SYCP1: variants seen among roughly 807,000 people sequenced by gnomAD.
The protein encoded by SYCP1 is cancer/testis antigen 8.
In SYCP1, 64 loss-of-function variants were observed where a neutral mutation model predicts 153.1. That is an observed-to-expected ratio of 0.42 (90% CI 0.34 to 0.51). The LOEUF is 0.51. Among genes scored for constraint, SYCP1 ranks in the 20% least tolerant of loss-of-function variants. The pLI, the probability that SYCP1 is intolerant of heterozygous loss-of-function variation, is 0.06. For synonymous variants in SYCP1, 384 were observed against 341.8 expected (o/e 1.12, Z -1.36); for missense variants, 997 against 1,049.0 (o/e 0.95, Z 0.68).
intron 29 of SYCP1, among the ~76,000 whole-genome samples, chr1:114,981,992 G>C (rs1246240007): frequency 2.6e-5 from 4 of 151,976 alleles, no homozygotes; most frequent in Non-Finnish European, 5.9e-5. Context: ...AGTCATCTTG[G>C]AGCAGATGCC....
intron 20 of SYCP1, among the ~76,000 whole-genome samples, chr1:114,922,005 C>T (rs1668922719): frequency 6.6e-6 from 1 of 152,098 alleles, no homozygotes; most frequent in African/African-American, 2.4e-5. Context: ...AGTCTGCTGC[C>T]AGACATACTA....
chr1:114,928,494 C>T (rs1305482101), intron 23 of SYCP1, among the ~76,000 whole-genome samples: 1 of 152,078 alleles, frequency 6.6e-6, no homozygotes, highest in Non-Finnish European at 1.5e-5. Flanking sequence ...CTAAGCAATA[C>T]TTAAGGAATT....
At chr1:114,957,138 C>T (rs1162590118) in intron 27 of SYCP1, among the ~76,000 whole-genome samples, 2 of 152,034 alleles carry the variant, frequency 1.3e-5, no homozygotes, top group East Asian at 3.9e-4. Context: ...AATCATAGCT[C>T]ACTGGAATCT....
chr1:114,910,064 G>T (rs1032670032), intron 16 of SYCP1: 1 of 160,326 alleles, frequency 6.2e-6, no homozygotes, highest in Non-Finnish European at 1.4e-5. Context: ...TTATTGTGAG[G>T]CCTTTTATAA....
At chr1:114,899,202 A>G (rs1557782168) in intron 16 of SYCP1, among the ~76,000 whole-genome samples, 1 of 152,226 alleles carries the variant, frequency 6.6e-6, no homozygotes, top group Non-Finnish European at 1.5e-5. Flanking sequence ...ACACACAGAT[A>G]GTTTCCAAAT....
intron 23 of SYCP1, among the ~76,000 whole-genome samples, chr1:114,937,514 G>A (rs1157127129): frequency 3.9e-5 from 6 of 152,114 alleles, no homozygotes; most frequent in Non-Finnish European, 5.9e-5. Flanking sequence ...AACACCAAAA[G>A]CAATGGCAAC....
At position 114,913,040 on chromosome 1, in the gene SYCP1, A is replaced by G. The variant is rs148130320; in HGVS notation, c.1537A>G (p.Asn513Asp). The G allele has an allele frequency of 2.8e-4, 453 of 1,603,496 alleles. No individual in the cohort carries two copies. Among genetic ancestry groups the G allele is most frequent in the Non-Finnish European group, 3.4e-4 (401 of 1,176,004 alleles). ...KTELENEKLK[N>D]TELTSHCNKL... ...TTTTTTTTTAAAAAATAGGCTTAAGAATACTGAATTAACTTCACACTGCAA... is the reference window on the plus strand; with the variant it reads ...TTTTTTTTTAAAAAATAGGCTTAAGGATACTGAATTAACTTCACACTGCAA... The change falls in exon 19 of 32, where the codon AAT (asparagine) becomes GAT (aspartate). Residue 513 changes from asparagine to aspartate, a missense_variant. Asn to Asp is a conservative substitution (Grantham distance 23). Transcript: ENST00000369522.
chr1:114,940,020 A>G (rs984446690), intron 23 of SYCP1, among the ~76,000 whole-genome samples: 3 of 152,070 alleles, frequency 2.0e-5, no homozygotes, highest in Non-Finnish European at 2.9e-5. Flanking sequence ...CCTGTTTTTA[A>G]TCTGATGTTG....
chr1:114,969,495 C>G (rs1029623994), intron 27 of SYCP1, among the ~76,000 whole-genome samples: 1 of 152,148 alleles, frequency 6.6e-6, no homozygotes, highest in Non-Finnish European at 1.5e-5. Flanking sequence ...TCCACCTCCC[C>G]CAACAAGCTC....
chr1:114,960,945 T>A (rs534560584), intron 27 of SYCP1, among the ~76,000 whole-genome samples: 10 of 152,328 alleles, frequency 6.6e-5, no homozygotes, highest in African/African-American at 2.4e-4. Flanking sequence ...ATTCTTTGAA[T>A]GTCTGACAGA....
At position 114,991,840 on chromosome 1, in the gene SYCP1, A is replaced by G. The variant is rs182927009; in HGVS notation, c.2704-2858A>G. 7.0e-3 allele frequency among the ~76,000 whole-genome samples: 1,071 copies of G among 151,940 alleles called. 15 individuals are homozygous for G. The highest frequency in any genetic ancestry group is 0.047 in the South Asian group (228 of 4,830). ...AAGAAAAATAATAGAAGGCATTCAGATGGAAAGGAAGAGGTAAAACTGCCT... is the reference window on the plus strand; with the variant it reads ...AAGAAAAATAATAGAAGGCATTCAGGTGGAAAGGAAGAGGTAAAACTGCCT... On this transcript the variant is annotated intron_variant, in intron 30 of 31. Coordinates refer to ENST00000369522, the MANE Select transcript of SYCP1 (RefSeq NM_003176.4).
chr1:114,921,673 T>C (rs1026331607), intron 20 of SYCP1, among the ~76,000 whole-genome samples: 2 of 151,450 alleles, frequency 1.3e-5, no homozygotes, highest in Non-Finnish European at 2.9e-5. Flanking sequence ...AAAACAGATA[T>C]GAGTAGTTAC....
At chr1:114,981,694 T>A (rs1357747427) in intron 29 of SYCP1, among the ~76,000 whole-genome samples, 182 bp downstream of exon 29, 2 of 152,062 alleles carry the variant, frequency 1.3e-5, no homozygotes, top group East Asian at 3.9e-4. Flanking sequence ...TAGGATGGTC[T>A]TGAACTCCTG....
chr1:114,938,012 A>G (rs1292731455), intron 23 of SYCP1, among the ~76,000 whole-genome samples: 2 of 152,222 alleles, frequency 1.3e-5, no homozygotes, highest in African/African-American at 4.8e-5. Flanking sequence ...ACCTAGAACT[A>G]GAAATACCAT....
At chr1:114,949,349 A>T (rs1229267813) in intron 27 of SYCP1, among the ~76,000 whole-genome samples, 1 of 152,218 alleles carries the variant, frequency 6.6e-6, no homozygotes, top group African/African-American at 2.4e-5. Context: ...TCCAGTTCTT[A>T]TCGGGAATGC....
At chr1:114,965,360 A>T (rs1268295275) in intron 27 of SYCP1, among the ~76,000 whole-genome samples, 1 of 152,004 alleles carries the variant, frequency 6.6e-6, no homozygotes, top group Non-Finnish European at 1.5e-5. Flanking sequence ...TGTTTCTCTT[A>T]CCTGATTTCC....
At position 114,924,727 on chromosome 1, in the gene SYCP1, G is replaced by T. The variant is rs1669146010; in HGVS notation, c.1800+1197G>T. Among the ~76,000 whole-genome samples the T allele has an allele frequency of 2.0e-5, 3 of 152,106 alleles. No homozygotes were observed. In the South Asian group the frequency reaches 6.2e-4, roughly 32 times the overall value. On this transcript the variant is annotated intron_variant, in intron 21 of 31. Coordinates refer to ENST00000369522, the MANE Select transcript of SYCP1 (RefSeq NM_003176.4). ...AAAAGATGGAGTTTAAGGTAGTGGT[G>T]GTAGAGGGCAGAGTGAGGAAAGATG...
chr1:114,986,689 A>G (rs1673532822), intron 30 of SYCP1, among the ~76,000 whole-genome samples: 1 of 152,032 alleles, frequency 6.6e-6, no homozygotes, highest in South Asian at 2.1e-4. Flanking sequence ...AGATTTAAAA[A>G]TGGGTTGTTG....
At chr1:114,980,068 G>T (rs1673053116) in intron 28 of SYCP1, among the ~76,000 whole-genome samples, 1 of 151,916 alleles carries the variant, frequency 6.6e-6, no homozygotes, top group Middle Eastern at 3.4e-3. Flanking sequence ...ACATGGTCCT[G>T]TAAAGGAGGG....
Sources: allele counts gnomAD v4.1 joint callset (sites outside exome capture counted in the v4.1 genomes callset), GRCh38; gene constraint gnomAD v4.1.1; transcripts MANE v1.5; gene names NCBI Gene and HGNC (gene_info 2026-07-23, HGNC 2026-07-21).